Variants in CRACR2A observed in about 807,000 individuals in gnomAD.
CRACR2A encodes EF-hand calcium-binding domain-containing protein 4B.
CRACR2A carries 79 observed loss-of-function variants against 90.5 expected under a neutral mutation model. The ratio of observed to expected loss-of-function variants is 0.87; its 90% confidence interval spans 0.73 to 1.05. The LOEUF is 1.05. Ranked by LOEUF, CRACR2A falls within the 50% of genes least tolerant of loss-of-function variation. CRACR2A has a pLI of 0.00. For synonymous variants in CRACR2A, 338 were observed against 356.7 expected, an observed-to-expected ratio of 0.95 and a Z score of 0.59; for missense variants, 823 against 897.2, an observed-to-expected ratio of 0.92 and a Z score of 1.06.
intron 1 of CRACR2A, among the ~76,000 whole-genome samples, chr12:3,751,222 A>C (rs1946697231): frequency 6.6e-6 from 1 of 152,044 alleles, no homozygotes. Context: ...TTAAACATGA[A>C]AATCTCCTAC....
chr12:3,685,831 A>G (rs1056075047), intron 4 of CRACR2A, among the ~76,000 whole-genome samples: 2 of 152,230 alleles, frequency 1.3e-5, no homozygotes, highest in Admixed American at 6.5e-5. Flanking sequence ...AAGAAAGTGA[A>G]TGTACTTAAT....
intron 4 of CRACR2A, among the ~76,000 whole-genome samples, chr12:3,684,128 G>T (rs1005240813): frequency 1.3e-5 from 2 of 152,128 alleles, no homozygotes; most frequent in African/African-American, 4.8e-5. Flanking sequence ...ATGCTTCCAT[G>T]ACATTTTTAT....
At chr12:3,674,960 G>T (rs1282089895) in intron 6 of CRACR2A, among the ~76,000 whole-genome samples, 2 of 152,204 alleles carry the variant, frequency 1.3e-5, no homozygotes, top group Non-Finnish European at 2.9e-5. Context: ...TAAACTTTGA[G>T]ACTTTATGTA....
intron 1 of CRACR2A, among the ~76,000 whole-genome samples, chr12:3,743,156 G>A (rs1326879832): frequency 2.0e-5 from 3 of 152,112 alleles, no homozygotes; most frequent in African/African-American, 7.2e-5. Flanking sequence ...CTGTAAATAG[G>A]GCTTGTACAT....
chr12:3,698,763 G>A (rs1245060902), intron 3 of CRACR2A, among the ~76,000 whole-genome samples: 1 of 152,206 alleles, frequency 6.6e-6, no homozygotes, highest in Non-Finnish European at 1.5e-5. Flanking sequence ...GCAGGGCTGT[G>A]TCTCCATGGC....
intron 13 of CRACR2A, chr12:3,640,367 C>A: frequency 5.7e-6 from 3 of 527,020 alleles, no homozygotes; most frequent in Non-Finnish European, 8.3e-6. Flanking sequence ...GGACCTCACA[C>A]ATAGTAGACA....
At chr12:3,699,834 C>A (rs980914430) in intron 3 of CRACR2A, among the ~76,000 whole-genome samples, 18 of 152,132 alleles carry the variant, frequency 1.2e-4, no homozygotes, top group African/African-American at 3.9e-4. Context: ...GAAGATCAAT[C>A]TTTTGCTGAA....
At chr12:3,693,464 T>C (rs1361076950) in intron 4 of CRACR2A, among the ~76,000 whole-genome samples, 1 of 152,128 alleles carries the variant, frequency 6.6e-6, no homozygotes, top group African/African-American at 2.4e-5. Flanking sequence ...CCTGTGGGAG[T>C]AAGTCGAGCC....
intron 4 of CRACR2A, 91 bp from the exon 5 acceptor site, chr12:3,680,440 C>A: frequency 6.2e-6 from 7 of 1,127,362 alleles, no homozygotes; most frequent in Non-Finnish European, 5.2e-6. Context: ...CAGAAAGTGT[C>A]TAGAGTTCGG....
intron 7 of CRACR2A, among the ~76,000 whole-genome samples, chr12:3,660,146 A>G (rs146707763): frequency 6.6e-6 from 1 of 152,120 alleles, no homozygotes; most frequent in Non-Finnish European, 1.5e-5. Flanking sequence ...TGTCCACATC[A>G]GGACCCTCTG....
At chr12:3,699,310 C>G (rs1238262361) in intron 3 of CRACR2A, among the ~76,000 whole-genome samples, 4 of 152,280 alleles carry the variant, frequency 2.6e-5, no homozygotes, top group Middle Eastern at 3.4e-3. Flanking sequence ...TTCATCCATT[C>G]ATTTATTTCC....
chr12:3,698,110 G>C (rs1945774140), intron 3 of CRACR2A, among the ~76,000 whole-genome samples: 1 of 152,154 alleles, frequency 6.6e-6, no homozygotes, highest in South Asian at 2.1e-4. Flanking sequence ...ATCATAAAAT[G>C]TTATGAATTA....
At chr12:3,743,038 A>C (rs1243423597) in intron 1 of CRACR2A, among the ~76,000 whole-genome samples, 2 of 152,236 alleles carry the variant, frequency 1.3e-5, no homozygotes, top group Admixed American at 1.3e-4. Context: ...ATTGGCACTA[A>C]ATCACTACAA....
chr12:3,749,795 TTGTG>T (rs200387314), intron 1 of CRACR2A, among the ~76,000 whole-genome samples: 18,140 of 144,424 alleles, frequency 0.13, 1,317 homozygotes, highest in Admixed American at 0.22. Flanking sequence ...TGCTGTTTCT[TTGTG>T]TGTGTGTGTG....
chr12:3,713,190 G>T, intron 3 of CRACR2A, 47 bp downstream of exon 3: 1 of 932,420 alleles, frequency 1.1e-6, no homozygotes. Context: ...TGGGGTGGGG[G>T]CAGATCTAGT....
chr12:3,649,177 A>G (rs916743814), intron 10 of CRACR2A, among the ~76,000 whole-genome samples: 1 of 152,084 alleles, frequency 6.6e-6, no homozygotes, highest in African/African-American at 2.4e-5. Flanking sequence ...ACATGTATAC[A>G]TATGTAACAA....
At position 3,616,309 on chromosome 12, in the gene CRACR2A, G is replaced by A. The variant is rs200070512; in HGVS notation, c.2111+645C>T. Among the ~76,000 whole-genome samples the A allele has an allele frequency of 7.9e-5, 12 of 152,342 alleles. No homozygotes were observed. In the East Asian group the frequency reaches 2.3e-3, roughly 29 times the overall value. Reference sequence around the variant, plus strand: ...GGGCTCTGTTAAGTATTTGCTGGACGGATGAATAGATGGAATGAAATGAAG... The same window carrying A: ...GGGCTCTGTTAAGTATTTGCTGGACAGATGAATAGATGGAATGAAATGAAG... On this transcript the variant is annotated intron_variant, in intron 19 of 19. Transcript: ENST00000440314.
chr12:3,680,377 A>G, intron 4 of CRACR2A, 28 bp from the exon 5 acceptor site: 1 of 1,583,492 alleles, frequency 6.3e-7, no homozygotes, highest in Non-Finnish European at 8.6e-7. Flanking sequence ...TGTACTGGTT[A>G]ACACTGACAC....
In CRACR2A at chr12:3,658,125, G is replaced by T. The variant is rs566192227; in HGVS notation, c.762+1439C>A. On this transcript the variant is annotated intron_variant, in intron 8 of 19. Coordinates refer to ENST00000440314, the MANE Select transcript of CRACR2A (RefSeq NM_001144958.2). ...GGCATTTGGTGTCAAGAAGGGAGAA[G>T]GAGGGAGCAGAAGGGGAGAGGGAGG... Among the ~76,000 whole-genome samples the T allele has an allele frequency of 2.0e-5, 3 of 152,332 alleles. No individual in the cohort carries two copies. In the South Asian group the frequency reaches 6.2e-4, roughly 32 times the overall value.
Sources: gnomAD v4.1 joint callset for allele counts (sites outside exome capture counted in the v4.1 genomes callset) on GRCh38, gnomAD v4.1.1 for gene constraint, MANE v1.5 for transcripts, NCBI Gene and HGNC (gene_info 2026-07-23, HGNC 2026-07-21) for gene names.